The following WDR70 variants were observed in gnomAD, a reference collection of about 807,000 sequenced individuals.
WDR70 encodes the protein WD repeat-containing protein 70.
WDR70 carries 53 observed loss-of-function variants against 88.6 expected under a neutral mutation model. The observed-to-expected ratio is 0.60, with a 90% confidence interval of 0.48 to 0.75. WDR70 has a LOEUF of 0.75. Among genes scored for constraint, WDR70 ranks in the 30% least tolerant of loss-of-function variants. The pLI is 0.00. For missense variants in WDR70, 610 were observed against 823.2 expected (o/e 0.74, Z 3.17); for synonymous variants, 280 against 270.0 (o/e 1.04, Z -0.36).
At chr5:37,397,950 T>G (rs1037563265) in intron 5 of WDR70, among the ~76,000 whole-genome samples, 4 of 149,486 alleles carry the variant, frequency 2.7e-5, no homozygotes, top group Non-Finnish European at 4.4e-5. Flanking sequence ...GAGCCGAGAT[T>G]GCACCACTGC....
intron 7 of WDR70, among the ~76,000 whole-genome samples, chr5:37,475,742 A>G (rs1339524731): frequency 6.6e-6 from 1 of 151,986 alleles, no homozygotes; most frequent in Admixed American, 6.6e-5. Flanking sequence ...GTTATATTTA[A>G]TTACTTATAA....
intron 8 of WDR70, among the ~76,000 whole-genome samples, chr5:37,487,628 T>TATATATATA (rs1491104958): frequency 4.0e-3 from 20 of 5,006 alleles, no homozygotes; most frequent in African/African-American, 7.6e-3. Flanking sequence ...TATATATGTA[T>TATATATATA]TTTTTTTTTT....
chr5:37,711,782 G>A (rs1192894223), intron 13 of WDR70, among the ~76,000 whole-genome samples: 2 of 152,084 alleles, frequency 1.3e-5, no homozygotes, highest in African/African-American at 4.8e-5. Flanking sequence ...TATTACTAAT[G>A]TTTATTAATG....
intron 9 of WDR70, among the ~76,000 whole-genome samples, chr5:37,538,958 A>G (rs578236): frequency 0.74 from 112,339 of 152,092 alleles, 42,094 homozygotes; most frequent in African/African-American, 0.87. Context: ...CATAAATGAC[A>G]CTAGTATAAT....
chr5:37,470,366 T>C (rs1739290605), intron 7 of WDR70, among the ~76,000 whole-genome samples: 1 of 152,092 alleles, frequency 6.6e-6, no homozygotes, highest in Non-Finnish European at 1.5e-5. Flanking sequence ...TAAAATATAA[T>C]ATTTAGAAAA....
At chr5:37,522,032 A>C (rs553346596) in intron 9 of WDR70, among the ~76,000 whole-genome samples, 2 of 152,032 alleles carry the variant, frequency 1.3e-5, no homozygotes, top group Non-Finnish European at 2.9e-5. Flanking sequence ...ACCAACATCT[A>C]TTATTTTTTG....
intron 15 of WDR70, 94 bp downstream of exon 15, chr5:37,723,028 A>T: frequency 2.1e-6 from 3 of 1,463,334 alleles, no homozygotes; most frequent in Non-Finnish European, 2.9e-6. Context: ...AGCCCTCAGA[A>T]TTCAGGCATA....
At chr5:37,397,149 C>G (rs923439822) in intron 5 of WDR70, among the ~76,000 whole-genome samples, 3 of 150,398 alleles carry the variant, frequency 2.0e-5, no homozygotes, top group Non-Finnish European at 3.0e-5. Flanking sequence ...ACCGCCCCCC[C>G]CAACCCCCCC....
intron 10 of WDR70, among the ~76,000 whole-genome samples, chr5:37,608,599 A>C (rs939004661): frequency 2.0e-4 from 30 of 150,988 alleles, no homozygotes; most frequent in African/African-American, 7.3e-4. Context: ...TCTGTCACTC[A>C]GGCTAGAGTG....
intron 10 of WDR70, among the ~76,000 whole-genome samples, chr5:37,682,844 G>A (rs191991165): frequency 2.0e-5 from 3 of 152,224 alleles, no homozygotes; most frequent in Admixed American, 2.0e-4. Context: ...ATCCAATTAC[G>A]TGGTCAATTT....
At chr5:37,469,250 A>G (rs985855878) in intron 7 of WDR70, among the ~76,000 whole-genome samples, 14 of 152,102 alleles carry the variant, frequency 9.2e-5, no homozygotes, top group African/African-American at 2.7e-4. Context: ...ACCCGATAGT[A>G]GGGTGGCAGT....
intron 10 of WDR70, among the ~76,000 whole-genome samples, chr5:37,610,275 A>AG (rs965420891): frequency 3.3e-5 from 5 of 152,026 alleles, no homozygotes; most frequent in Non-Finnish European, 7.4e-5. Context: ...CAAAAAAAAA[A>AG]AAAAAAAAAA....
intron 5 of WDR70, among the ~76,000 whole-genome samples, chr5:37,419,495 C>A (rs963780545): frequency 6.6e-6 from 1 of 151,528 alleles, no homozygotes; most frequent in Non-Finnish European, 1.5e-5. Context: ...TGAGCCACCG[C>A]GCCCAGCTGC....
At chr5:37,503,801 T>C (rs886251053) in intron 8 of WDR70, among the ~76,000 whole-genome samples, 7 of 152,160 alleles carry the variant, frequency 4.6e-5, no homozygotes, top group Non-Finnish European at 1.5e-5. Flanking sequence ...GCGTTCTCAC[T>C]GCTTGCTATT....
chr5:37,384,592 AGAGCTTGCAGT>A (rs2111855024), intron 3 of WDR70, among the ~76,000 whole-genome samples: 1 of 143,600 alleles, frequency 7.0e-6, no homozygotes, highest in South Asian at 2.2e-4. Flanking sequence ...CCCTGGAGGC[AGAGCTTGCAGT>A]GAGCCGAGAT....
chr5:37,464,437 A>G (rs1739098874), intron 7 of WDR70, among the ~76,000 whole-genome samples: 1 of 152,368 alleles, frequency 6.6e-6, no homozygotes, highest in South Asian at 2.1e-4. Context: ...GAGAAATCAC[A>G]TGTAATTTGA....
rs1032705571 is a variant in WDR70, at chr5:37,409,191, G to A, written c.492+12621G>A. Among the ~76,000 whole-genome samples, 10 of 151,960 alleles carry A rather than the reference G, an allele frequency of 6.6e-5. No individual in the cohort carries two copies. The East Asian group carries it at 7.7e-4, about 12-fold the overall frequency. On this transcript the variant is annotated intron_variant, in intron 5 of 17. Coordinates refer to ENST00000265107, the MANE Select transcript of WDR70 (RefSeq NM_018034.4). ...TGACCTCAGGTGATCCACCCGCCTC[G>A]GCCTCCTAAAGTGCTGGGATTACAG... is the stretch of plus-strand genomic sequence containing the variant.
At chr5:37,594,497 G>A (rs945106493) in intron 9 of WDR70, among the ~76,000 whole-genome samples, 3 of 152,018 alleles carry the variant, frequency 2.0e-5, no homozygotes, top group Non-Finnish European at 2.9e-5. Context: ...TGTTCCATTG[G>A]TCTATATCTC....
intron 5 of WDR70, among the ~76,000 whole-genome samples, 186 bp from the exon 6 acceptor site, chr5:37,437,735 AC>A (rs1449487317): frequency 6.6e-6 from 1 of 152,086 alleles, no homozygotes; most frequent in Non-Finnish European, 1.5e-5. Flanking sequence ...ATCATCAGAG[AC>A]CCATTGTAGT....
Sources: allele counts gnomAD v4.1 joint callset (sites outside exome capture counted in the v4.1 genomes callset), GRCh38; gene constraint gnomAD v4.1.1; transcripts MANE v1.5; gene names NCBI Gene and HGNC (gene_info 2026-07-23, HGNC 2026-07-21).